KRTAP10-3: variants seen among roughly 807,000 people sequenced by gnomAD.
KRTAP10-3 encodes the protein keratin-associated protein 10-3.
For synonymous variants in KRTAP10-3, 151 were observed against 126.2 expected, an observed-to-expected ratio of 1.20 and a Z score of -1.32; for missense variants, 341 against 293.4, an observed-to-expected ratio of 1.16 and a Z score of -1.19.
chr21:44,558,584 G>T lies in KRTAP10-3; in HGVS notation c.132C>A (p.Thr44=). 6.2e-7 allele frequency: 1 copy of T among 1,611,854 alleles called. No individual in the cohort carries two copies. Among genetic ancestry groups the T allele is most frequent in the African/African-American group, 1.3e-5 (1 of 74,996 alleles). ...CACAGCTCACTGGGGTGCAGACCAGGGTCAGGCAGGGGGCCGGGGCGCAGC... is the reference window on the plus strand; with the variant it reads ...CACAGCTCACTGGGGTGCAGACCAGTGTCAGGCAGGGGGCCGGGGCGCAGC... ...TSCCAPAPCL[T]LVCTPVSCVS... Residue 44 remains threonine (T), a synonymous_variant, in exon 1 of 1, where the codon ACC becomes ACA. Transcript: ENST00000391620.
At position 44,558,143 on chromosome 21, in the gene KRTAP10-3, C is replaced by T. The variant is rs587737337; in HGVS notation, c.573G>A (p.Pro191=). Residue 191 remains proline, a synonymous_variant, in exon 1 of 1, where the codon CCG becomes CCA. Transcript: ENST00000391620. ...ASTCQPSCCR[P]ASCVSLLCRP... is the part of the protein sequence containing the mutation. ...GGCAGAGGAGGGACACGCAGGAGGCCGGGCGGCAGCAGCTGGGCTGGCAGG... is the reference window on the plus strand; with the variant it reads ...GGCAGAGGAGGGACACGCAGGAGGCTGGGCGGCAGCAGCTGGGCTGGCAGG... 5.1e-5 allele frequency: 83 copies of T among 1,612,622 alleles called. No individual in the cohort carries two copies. Among genetic ancestry groups the T allele is most frequent in the Admixed American group, 2.0e-4 (12 of 59,818 alleles).
chr21:44,558,433 A>G lies in KRTAP10-3; in HGVS notation c.283T>C (p.Cys95Arg). ...CQPACCTSSP[C>R]QQACCVPVCC... Reference sequence around the variant, plus strand: ...ACAGGCACGCAGCAGGCCTGCTGGCAGGGGGAGGATGTGCAGCAAGCTGGC... The same window carrying G: ...ACAGGCACGCAGCAGGCCTGCTGGCGGGGGGAGGATGTGCAGCAAGCTGGC... Residue 95 changes from cysteine (C) to arginine (R), a missense_variant, in exon 1 of 1, where the codon TGC becomes CGC. Physicochemically the swap from Cys to Arg is radical, Grantham distance 180. Coordinates refer to ENST00000391620, the MANE Select transcript of KRTAP10-3 (RefSeq NM_198696.3). 1 of 1,614,074 alleles carries G rather than the reference A, an allele frequency of 6.2e-7. No individual in the cohort carries two copies. The highest frequency in any genetic ancestry group is 2.2e-5 in the East Asian group (1 of 44,872).
rs201034957 is a variant in KRTAP10-3, at chr21:44,558,160, G to T, written c.556C>A (p.Pro186Thr). Residue 186 changes from proline to threonine, a missense_variant, in exon 1 of 1, where the codon CCC (proline) becomes ACC (threonine). By Grantham distance (38) the Pro-to-Thr change is conservative. Transcript: ENST00000391620. ...SCCAPASTCQ[P>T]SCCRPASCVS... ...CAGGAGGCCGGGCGGCAGCAGCTGG[G>T]CTGGCAGGTGGAGGCAGGGGCACAG... 1 of 1,611,146 alleles carries T rather than the reference G, an allele frequency of 6.2e-7. No individual in the cohort carries two copies. The highest frequency in any genetic ancestry group is 1.7e-5 in the Admixed American group (1 of 59,438).
chr21:44,558,503 G>A lies in KRTAP10-3; in HGVS notation c.213C>T (p.Cys71=). Residue 71 remains cysteine, a synonymous_variant, in exon 1 of 1, where the codon TGC becomes TGT. Transcript: ENST00000391620. ...AGCACGAGGGCGTGCAGGAGCTGGT[G>A]CAGCCTGACTGGCAGGGGCTGGGCT... ...ACEPSPCQSG[C]TSSCTPSCCQ... The A allele has an allele frequency of 6.2e-7, 1 of 1,613,902 alleles. No homozygotes were observed.
In KRTAP10-3 at chr21:44,557,840, G is replaced by A. The variant is rs1336933657; in HGVS notation, c.*210C>T. On this transcript the variant is annotated 3_prime_UTR_variant, in exon 1 of 1. Transcript: ENST00000391620. ...TTGACAGACTGATCACTCACATGGG[G>A]CAGGACACAGTGACCACCGGCTGGC... 2 of 632,720 alleles carry A rather than the reference G, an allele frequency of 3.2e-6. No homozygotes were observed. Among genetic ancestry groups the A allele is most frequent in the Non-Finnish European group, 5.5e-6 (2 of 364,280 alleles). The allele number at this position is 632,720 out of a possible 1,614,324, so 39.2% of individuals were successfully genotyped here.
chr21:44,557,859 G>A lies in KRTAP10-3; in HGVS notation c.*191C>T, dbSNP rs782197434. 29 of 688,218 alleles carry A rather than the reference G, an allele frequency of 4.2e-5. No homozygotes were observed. The highest frequency in any genetic ancestry group is 2.2e-4 in the African/African-American group (12 of 55,326). The allele number at this position is 688,218 out of a possible 1,614,324, so 42.6% of individuals were successfully genotyped here. The stretch of plus-strand genomic sequence containing the variant: ...CATGGGGCAGGACACAGTGACCACC[G>A]GCTGGCCAGCATGGAGATGAGGGTG... On this transcript the variant is annotated 3_prime_UTR_variant, in exon 1 of 1. Transcript: ENST00000391620.
rs782557473 is a variant in KRTAP10-3, at chr21:44,558,682, C to A, written c.34G>T (p.Ala12Ser). The A allele has an allele frequency of 3.1e-6, 5 of 1,612,282 alleles. No individual in the cohort carries two copies. In the South Asian group the frequency reaches 4.4e-5, roughly 14 times the overall value. ...TCCACCTGCCAGGAGTCAGAGTAAG[C>A]GCTGGAGCAGACGGACATGGTAGAC... ...ATSTMSVCSS[A>S]YSDSWQVDAC... The change falls in exon 1 of 1, where the codon GCT (alanine) becomes TCT (serine). Residue 12 changes from alanine to serine, a missense_variant. By Grantham distance (99) the Ala-to-Ser change is moderately conservative. Transcript: ENST00000391620.
In KRTAP10-3 at chr21:44,558,628, G is replaced by A. The variant is rs782410860; in HGVS notation, c.88C>T (p.Pro30Ser). 9 of 1,612,000 alleles carry A rather than the reference G, an allele frequency of 5.6e-6. No homozygotes were observed. Among genetic ancestry groups the A allele is most frequent in the Admixed American group, 1.7e-5 (1 of 59,964 alleles). ...DACPESCCEP[P>S]CCATSCCAPA... is the part of the protein sequence containing the mutation. Reference sequence around the variant, plus strand: ...GCGCAGCAGCTGGTGGCGCAGCAGGGGGGCTCACAGCAGCTCTCTGGGCAG... The same window carrying A: ...GCGCAGCAGCTGGTGGCGCAGCAGGAGGGCTCACAGCAGCTCTCTGGGCAG... The change falls in exon 1 of 1, where the codon CCC (proline) becomes TCC (serine). Residue 30 changes from proline (P) to serine (S), a missense_variant. Physicochemically the swap from Pro to Ser is moderately conservative, Grantham distance 74 (BLOSUM62 -1). Coordinates refer to ENST00000391620, the MANE Select transcript of KRTAP10-3 (RefSeq NM_198696.3).
rs78814839 is a variant in KRTAP10-3 at position 44,558,089 on chromosome 21, C to T, written c.627G>A (p.Ala209=). Residue 209 remains alanine (A), a synonymous_variant, in exon 1 of 1, where the codon GCG becomes GCA. Coordinates refer to ENST00000391620, the MANE Select transcript of KRTAP10-3 (RefSeq NM_198696.3). ...TCTGGCCTGAGGAGAGGCCGCAGCA[C>T]GCGGAAGAGAGGCGGGAGCACGTGG... ...CRPTCSRLSS[A]CCGLSSGQKS... 1,373 of 1,612,504 alleles carry T rather than the reference C, an allele frequency of 8.5e-4. 8 individuals carry two copies. The African/African-American group carries it at 0.016, about 18-fold the overall frequency.
At position 44,558,482 on chromosome 21, in the gene KRTAP10-3, C is replaced by A. The variant is rs374002798; in HGVS notation, c.234G>T (p.Ser78=). ...GCTGGCAGCTAGACTGCTGGCAGCA[C>A]GAGGGCGTGCAGGAGCTGGTGCAGC... The part of the protein sequence containing the change: ...QSGCTSSCTP[S]CCQQSSCQPA... Residue 78 remains serine, a synonymous_variant, in exon 1 of 1, where the codon TCG becomes TCT. Coordinates refer to ENST00000391620, the MANE Select transcript of KRTAP10-3 (RefSeq NM_198696.3). 1.5e-5 allele frequency: 25 copies of A among 1,613,800 alleles called. No homozygotes were observed. The East Asian group carries it at 5.1e-4, about 33-fold the overall frequency.
Position 44,557,885 on chromosome 21 carries a change from T to C in KRTAP10-3, c.*165A>G. On this transcript the variant is annotated 3_prime_UTR_variant, in exon 1 of 1. Transcript: ENST00000391620. Reference sequence around the variant, plus strand: ...GCTGGCCAGCATGGAGATGAGGGTGTGGGAGAGATGCATGCCTGGAGGGAA... The same window carrying C: ...GCTGGCCAGCATGGAGATGAGGGTGCGGGAGAGATGCATGCCTGGAGGGAA... 1.3e-6 allele frequency: 1 copy of C among 798,054 alleles called. No individual in the cohort carries two copies. The highest frequency in any genetic ancestry group is 2.0e-6 in the Non-Finnish European group (1 of 507,470). The allele number at this position is 798,054 out of a possible 1,614,324, so 49.4% of individuals were successfully genotyped here. A position where few individuals can be genotyped will look rare whatever the true frequency, so the allele number is the denominator to read the frequency against.
Position 44,558,790 on chromosome 21 carries a change from T to A in KRTAP10-3, c.-75A>T. The stretch of plus-strand genomic sequence containing the variant: ...GGGAGTGAGTGAGGGAGTGAGTGAG[T>A]GATCGTGCCAGGCCTCTGAGTGGTC... On this transcript the variant is annotated 5_prime_UTR_variant, in exon 1 of 1. Coordinates refer to ENST00000391620, the MANE Select transcript of KRTAP10-3 (RefSeq NM_198696.3). 4 of 1,527,348 alleles carry A rather than the reference T, an allele frequency of 2.6e-6. No homozygotes were observed. Among genetic ancestry groups the A allele is most frequent in the African/African-American group, 1.4e-5 (1 of 72,814 alleles). The allele number at this position is 1,527,348 out of a possible 1,614,324, so 94.6% of individuals were successfully genotyped here. A position where few individuals can be genotyped will look rare whatever the true frequency, so the allele number is the denominator to read the frequency against.
Position 44,558,764 on chromosome 21 carries a change from TGG to T in KRTAP10-3, c.-51_-50del. ...TGGGGGAGACGTGAGTGAGTGAGTG[TGG>T]GAGTGAGTGAGGGAGTGAGTGAGTG... is the stretch of plus-strand genomic sequence containing the variant. On this transcript the variant is annotated 5_prime_UTR_variant, in exon 1 of 1. Coordinates refer to ENST00000391620, the MANE Select transcript of KRTAP10-3 (RefSeq NM_198696.3). 6.4e-7 allele frequency: 1 copy of T among 1,558,896 alleles called. No individual in the cohort carries two copies. The highest frequency in any genetic ancestry group is 8.7e-7 in the Non-Finnish European group (1 of 1,151,092).
chr21:44,557,936 G>T lies in KRTAP10-3; in HGVS notation c.*114C>A. 8.2e-7 allele frequency: 1 copy of T among 1,226,854 alleles called. No homozygotes were observed. The highest frequency in any genetic ancestry group is 2.5e-5 in the East Asian group (1 of 40,398). 76.0% of individuals were successfully genotyped at this position (1,226,854 alleles called of 1,614,324 possible). ...TCGGCATGAAAGCTCAGCATTGCTG[G>T]CTGGAGGTGCAGTGGCTATGGGCAG... On this transcript the variant is annotated 3_prime_UTR_variant, in exon 1 of 1. Coordinates refer to ENST00000391620, the MANE Select transcript of KRTAP10-3 (RefSeq NM_198696.3).
chr21:44,558,139 A>G lies in KRTAP10-3; in HGVS notation c.577T>C (p.Ser193Pro). 6.2e-7 allele frequency: 1 copy of G among 1,613,204 alleles called. No individual in the cohort carries two copies. The highest frequency in any genetic ancestry group is 1.1e-5 in the South Asian group (1 of 90,922). The change falls in exon 1 of 1, where the codon TCC (serine) becomes CCC (proline). Residue 193 changes from serine (S) to proline (P), a missense_variant. Coordinates refer to ENST00000391620, the MANE Select transcript of KRTAP10-3 (RefSeq NM_198696.3). The stretch of plus-strand genomic sequence containing the variant: ...GGGCGGCAGAGGAGGGACACGCAGG[A>G]GGCCGGGCGGCAGCAGCTGGGCTGG... ...TCQPSCCRPA[S>P]CVSLLCRPTC...
Position 44,558,317 on chromosome 21 carries a change from G to A in KRTAP10-3, c.399C>T (p.Ser133=), listed in dbSNP as rs782233273. 28 of 1,613,996 alleles carry A rather than the reference G, an allele frequency of 1.7e-5. 1 individual carries two copies. The South Asian group carries it at 3.0e-4, about 17-fold the overall frequency. The change falls in exon 1 of 1, where the codon TCC becomes TCT. Residue 133 remains serine (S), a synonymous_variant. Coordinates refer to ENST00000391620, the MANE Select transcript of KRTAP10-3 (RefSeq NM_198696.3). ...GGCTAGACTGCTGGCAGCATGAAGA[G>A]GAAGCCCCAGAGCAGACGGGCACAC... is the stretch of plus-strand genomic sequence containing the variant. ...ICCVPVCSGA[S]SSCCQQSSRQ...
In KRTAP10-3 at chr21:44,558,388, A is replaced by T; in HGVS notation, c.328T>A (p.Cys110Ser). 1 of 1,613,196 alleles carries T rather than the reference A, an allele frequency of 6.2e-7. No homozygotes were observed. Among genetic ancestry groups the T allele is most frequent in the Non-Finnish European group, 8.5e-7 (1 of 1,179,606 alleles). The change falls in exon 1 of 1, where the codon TGT becomes AGT. Residue 110 changes from cysteine to serine, a missense_variant. By Grantham distance (112) the Cys-to-Ser change is moderately radical. Coordinates refer to ENST00000391620, the MANE Select transcript of KRTAP10-3 (RefSeq NM_198696.3). Reference protein sequence around the residue: ...CVPVCCKPVCCVPVCCKPVCC... With the variant: ...CVPVCCKPVCSVPVCCKPVCC... ...ACAGGCTTGCAGCAGACGGGCACAC[A>T]GCAGACTGGCTTGCAGCAGACAGGC...
rs1264501694 is a variant in KRTAP10-3, at chr21:44,558,508, C to G, written c.208G>C (p.Gly70Arg). ...GAGGGCGTGCAGGAGCTGGTGCAGC[C>G]TGACTGGCAGGGGCTGGGCTCACAG... ...AACEPSPCQS[G>R]CTSSCTPSCC... The change falls in exon 1 of 1, where the codon GGC (glycine) becomes CGC (arginine). Residue 70 changes from glycine (G) to arginine (R), a missense_variant. Transcript: ENST00000391620. The G allele has an allele frequency of 2.5e-6, 4 of 1,613,842 alleles. No homozygotes were observed. Among genetic ancestry groups the G allele is most frequent in the Middle Eastern group, 1.7e-4 (1 of 5,958 alleles).
chr21:44,558,360 C>G lies in KRTAP10-3; in HGVS notation c.356G>C (p.Cys119Ser). 6.2e-7 allele frequency: 1 copy of G among 1,612,692 alleles called. No homozygotes were observed. The highest frequency in any genetic ancestry group is 8.5e-7 in the Non-Finnish European group (1 of 1,179,392). ...GGGCACACAGCAGATGGGCTTGCAGCAGACAGGCTTGCAGCAGACGGGCAC... is the reference window on the plus strand; with the variant it reads ...GGGCACACAGCAGATGGGCTTGCAGGAGACAGGCTTGCAGCAGACGGGCAC... ...CCVPVCCKPV[C>S]CKPICCVPVC... Residue 119 changes from cysteine (C) to serine (S), a missense_variant, in exon 1 of 1, where the codon TGC becomes TCC. Cys to Ser is a moderately radical substitution (Grantham distance 112). Transcript: ENST00000391620.
Sources: allele counts gnomAD v4.1 joint callset, GRCh38; gene constraint gnomAD v4.1.1; transcripts MANE v1.5; gene names NCBI Gene and HGNC (gene_info 2026-07-23, HGNC 2026-07-21).